The following KATNBL1 variants were observed in gnomAD, a reference collection of about 807,000 sequenced individuals.
KATNBL1 encodes the protein KATNB1-like protein 1.
Under a neutral mutation model 44.7 loss-of-function variants are expected in KATNBL1, and 28 were observed. The ratio of observed to expected loss-of-function variants is 0.63; its 90% CI spans 0.46 to 0.86. The LOEUF is 0.86. Among genes scored for constraint, KATNBL1 ranks in the 40% least tolerant of loss-of-function variants. The pLI, the probability that KATNBL1 is intolerant of heterozygous loss-of-function variation, is 0.00. For missense variants in KATNBL1, 272 were observed against 350.7 expected, an observed-to-expected ratio of 0.78 and a Z score of 1.79; for synonymous variants, 78 against 114.9, an observed-to-expected ratio of 0.68 and a Z score of 2.06.
intron 2 of KATNBL1, among the ~76,000 whole-genome samples, chr15:34,160,927 C>G (rs1436292995): frequency 6.6e-6 from 1 of 152,122 alleles, no homozygotes; most frequent in Non-Finnish European, 1.5e-5. Context: ...GGCTCAACAC[C>G]CCCCTGCTGG....
chr15:34,143,027 A>C (rs766608720), intron 9 of KATNBL1: 7 of 1,253,752 alleles, frequency 5.6e-6, no homozygotes, highest in Admixed American at 2.3e-5. Context: ...TTCAATTTCT[A>C]TACTCAAAAA....
intron 1 of KATNBL1, among the ~76,000 whole-genome samples, chr15:34,169,518 G>A (rs1361494137): frequency 6.6e-6 from 1 of 152,152 alleles, no homozygotes; most frequent in African/African-American, 2.4e-5. Context: ...AGCACAAAGA[G>A]GAGCTGGTAC....
intron 1 of KATNBL1, among the ~76,000 whole-genome samples, chr15:34,190,880 A>G (rs1263902533): frequency 1.3e-5 from 2 of 152,156 alleles, no homozygotes; most frequent in Non-Finnish European, 2.9e-5. Flanking sequence ...TGTTAATGCG[A>G]CCATGAGGAT....
chr15:34,193,229 A>AAAC (rs1555530408), intron 1 of KATNBL1, among the ~76,000 whole-genome samples: 12 of 127,824 alleles, frequency 9.4e-5, no homozygotes, highest in Admixed American at 2.4e-4. Context: ...AAAAAAAAAA[A>AAAC]AAAAAACAAA....
intron 1 of KATNBL1, among the ~76,000 whole-genome samples, chr15:34,167,861 T>C (rs1889030056): frequency 6.6e-6 from 1 of 152,124 alleles, no homozygotes; most frequent in South Asian, 2.1e-4. Flanking sequence ...GAAGGAGAAA[T>C]AAAATCCTTT....
chr15:34,143,966 C>CAAA (rs61591705), intron 9 of KATNBL1, among the ~76,000 whole-genome samples: 817 of 64,990 alleles, frequency 0.013, 62 homozygotes, highest in African/African-American at 0.036. Context: ...GATTCCATCT[C>CAAA]AAAAAAAAAA....
rs531026001 is a variant in KATNBL1 at position 34,163,513 on chromosome 15, T to C, written c.117+47A>G. The C allele has an allele frequency of 8.9e-6, 14 of 1,565,816 alleles. No homozygotes were observed. In the South Asian group the frequency reaches 1.6e-4, roughly 18 times the overall value. On this transcript the variant is annotated intron_variant, in intron 2 of 9. Coordinates refer to ENST00000256544, the MANE Select transcript of KATNBL1 (RefSeq NM_024713.3). ...ATTCAACCAGAGATATCTAGAGACC[T>C]AACCGTTTAAATTGTCTTATCTGTT... is the stretch of plus-strand genomic sequence containing the variant.
intron 1 of KATNBL1, among the ~76,000 whole-genome samples, chr15:34,200,954 T>C (rs1341048398): frequency 6.6e-6 from 1 of 152,112 alleles, no homozygotes; most frequent in Non-Finnish European, 1.5e-5. Flanking sequence ...GTAGCTGGGA[T>C]TACAGGTGCA....
At chr15:34,155,336 G>A (rs1284782194) in intron 2 of KATNBL1, among the ~76,000 whole-genome samples, 1 of 152,114 alleles carries the variant, frequency 6.6e-6, no homozygotes, top group African/African-American at 2.4e-5. Flanking sequence ...TCAGAATATG[G>A]TGGAGGGGAA....
At chr15:34,147,091 A>C in intron 7 of KATNBL1, 109 bp downstream of exon 7, 1 of 696,434 alleles carries the variant, frequency 1.4e-6, no homozygotes, top group Non-Finnish European at 2.5e-6. Flanking sequence ...GCTTCTTGAA[A>C]ACAGAAACCT....
intron 8 of KATNBL1, chr15:34,146,141 T>G (rs1323360257): frequency 6.6e-6 from 1 of 152,368 alleles, no homozygotes; most frequent in East Asian, 1.9e-4. Flanking sequence ...AGACGGGATG[T>G]CATCATGTTG....
chr15:34,176,051 T>C (rs890844522), intron 1 of KATNBL1, among the ~76,000 whole-genome samples: 1 of 152,152 alleles, frequency 6.6e-6, no homozygotes, highest in Non-Finnish European at 1.5e-5. Context: ...AAATGTGGTG[T>C]ATCTGTATGG....
chr15:34,147,330 A>C lies in KATNBL1; in HGVS notation c.609-41T>G, dbSNP rs777168245. The C allele has an allele frequency of 2.5e-6, 4 of 1,596,662 alleles. No homozygotes were observed. The African/African-American group carries it at 5.4e-5, about 21-fold the overall frequency. On this transcript the variant is annotated intron_variant, in intron 6 of 9. Coordinates refer to ENST00000256544, the MANE Select transcript of KATNBL1 (RefSeq NM_024713.3). ...AGTTATAAAAATATGGATGGGCCAT[A>C]ATTTGACCTCCTTTAATCTTATTTT...
chr15:34,162,208 T>C (rs918752008), intron 2 of KATNBL1, among the ~76,000 whole-genome samples: 2 of 152,194 alleles, frequency 1.3e-5, no homozygotes, highest in Admixed American at 6.5e-5. Context: ...GCTCCCATAA[T>C]TGCCAAGTGT....
At chr15:34,146,888 A>ATC (rs767504513) in intron 7 of KATNBL1, 38 bp from the exon 8 acceptor site, 1 of 1,237,168 alleles carries the variant, frequency 8.1e-7, no homozygotes, top group Non-Finnish European at 1.2e-6. Context: ...AAGTGTTTTC[A>ATC]TCTAAGAACC....
At chr15:34,161,675 T>A (rs892050281) in intron 2 of KATNBL1, among the ~76,000 whole-genome samples, 2 of 152,134 alleles carry the variant, frequency 1.3e-5, no homozygotes, top group African/African-American at 4.8e-5. Flanking sequence ...CTAATTCTGA[T>A]AGGCTATTTT....
chr15:34,203,658 T>C (rs1237976809), intron 1 of KATNBL1, among the ~76,000 whole-genome samples: 1 of 152,238 alleles, frequency 6.6e-6, no homozygotes, highest in African/African-American at 2.4e-5. Flanking sequence ...CCATGTTCAT[T>C]GTACCTAGAA....
chr15:34,152,828 C>G lies in KATNBL1; in HGVS notation c.400G>C (p.Glu134Gln), dbSNP rs201663750. Residue 134 changes from glutamate to glutamine, a missense_variant, in exon 4 of 10, where the codon GAA (glutamate) becomes CAA (glutamine). Around this residue, in one of 3 missense-constraint regions of KATNBL1, gnomAD observed 111 missense variants for 149.3 expected, o/e 0.74. Coordinates refer to ENST00000256544, the MANE Select transcript of KATNBL1 (RefSeq NM_024713.3). ...NSSDSGSSQT[E>Q]SPSSKYSGFF... is the part of the protein sequence containing the mutation. ...CCACTATATTTTGATGATGGGCTTT[C>G]TGTCTGTGAAGAACCAGAATCACTG... 16 of 1,613,530 alleles carry G rather than the reference C, an allele frequency of 9.9e-6. No homozygotes were observed. In the Admixed American group the frequency reaches 1.5e-4, roughly 15 times the overall value.
intron 2 of KATNBL1, among the ~76,000 whole-genome samples, chr15:34,159,263 CCCCCGTGT>C (rs1888727551): frequency 2.0e-5 from 3 of 152,090 alleles, no homozygotes; most frequent in Admixed American, 2.0e-4. Flanking sequence ...CTGCCGGTGG[CCCCCGTGT>C]TTTTGAGTGA....
Sources: allele counts gnomAD v4.1 joint callset (sites outside exome capture counted in the v4.1 genomes callset), GRCh38; gene constraint gnomAD v4.1.1; regional missense constraint gnomAD v4.1.1; transcripts MANE v1.5; gene names NCBI Gene and HGNC (gene_info 2026-07-23, HGNC 2026-07-21).